PVT1: variants seen among roughly 807,000 people sequenced by gnomAD.
The protein encoded by PVT1 is Pvt1 oncogene.
At chr8:127,922,092 C>A (rs1418295251) in intron 3 of PVT1, among the ~76,000 whole-genome samples, 2 of 151,884 alleles carry the variant, frequency 1.3e-5, no homozygotes, top group African/African-American at 4.8e-5. Context: ...AACTCTTGAC[C>A]TCGTGATCTG....
chr8:127,951,800 A>G (rs184952843), intron 3 of PVT1, among the ~76,000 whole-genome samples: 69 of 150,678 alleles, frequency 4.6e-4, no homozygotes, highest in Non-Finnish European at 7.0e-4. Context: ...GCTCCTTACA[A>G]AAACAAAAAC....
intron 5 of PVT1, among the ~76,000 whole-genome samples, chr8:128,076,228 A>C (rs1439723275): frequency 6.6e-6 from 1 of 152,106 alleles, no homozygotes; most frequent in Non-Finnish European, 1.5e-5. Flanking sequence ...TGCACAATGG[A>C]CCCAGTGAGC....
Position 128,016,580 on chromosome 8 carries a change from C to T in PVT1, n.912+27289C>T, listed in dbSNP as rs190313036. On this transcript the variant is annotated intron_variant and non_coding_transcript_variant, in intron 4 of 10. Coordinates refer to ENST00000651587, the Ensembl canonical transcript of PVT1. The stretch of plus-strand genomic sequence containing the variant: ...ACAGCTGGATCATGATTTACATTAA[C>T]TCCTCCCTTGCTGGTATCTTATAGA... Among the ~76,000 whole-genome samples, 174 of 152,324 alleles carry T rather than the reference C, an allele frequency of 1.1e-3. 1 individual carries two copies. Among genetic ancestry groups the T allele is most frequent in the Non-Finnish European group, 1.7e-3 (115 of 68,034 alleles).
At chr8:127,867,671 C>T (rs1815299837) in intron 2 of PVT1, among the ~76,000 whole-genome samples, 1 of 151,944 alleles carries the variant, frequency 6.6e-6, no homozygotes, top group Non-Finnish European at 1.5e-5. Context: ...TGTGGCTGTG[C>T]AGTCTCATTT....
intron 4 of PVT1, among the ~76,000 whole-genome samples, chr8:128,058,885 A>G (rs2130117574): frequency 6.6e-6 from 1 of 152,236 alleles, no homozygotes; most frequent in Non-Finnish European, 1.5e-5. Flanking sequence ...TCTGTTTGGC[A>G]CTTGGTATTG....
rs117556096 is a variant in PVT1 at position 127,941,164 on chromosome 8, G to T, written n.783-47998G>T. 2.2e-4 allele frequency among the ~76,000 whole-genome samples: 33 copies of T among 152,314 alleles called. 1 individual carries two copies. In the East Asian group the frequency reaches 6.4e-3, roughly 29 times the overall value. Reference sequence around the variant, plus strand: ...CCATTTTCAAGTCCAGCAATGGTGGGTCCAGTTCCTTTTAGGATTTAAATC... The same window carrying T: ...CCATTTTCAAGTCCAGCAATGGTGGTTCCAGTTCCTTTTAGGATTTAAATC... On this transcript the variant is annotated intron_variant and non_coding_transcript_variant, in intron 3 of 10. Coordinates refer to ENST00000651587, the Ensembl canonical transcript of PVT1.
At chr8:127,884,245 C>A (rs992999427) in intron 2 of PVT1, among the ~76,000 whole-genome samples, 1 of 152,178 alleles carries the variant, frequency 6.6e-6, no homozygotes, top group African/African-American at 2.4e-5. Flanking sequence ...ATCACACACT[C>A]CCCTGTGTCT....
chr8:127,879,604 T>C (rs1815442901), intron 2 of PVT1, among the ~76,000 whole-genome samples: 1 of 152,204 alleles, frequency 6.6e-6, no homozygotes, highest in Non-Finnish European at 1.5e-5. Flanking sequence ...GCTCGTATCC[T>C]AGCTCTGTCT....
At chr8:128,060,116 T>G (rs1472595766) in intron 4 of PVT1, among the ~76,000 whole-genome samples, 1 of 151,956 alleles carries the variant, frequency 6.6e-6, no homozygotes, top group Non-Finnish European at 1.5e-5. Context: ...ATTAGCTGGG[T>G]GTGGCAGCGT....
chr8:127,812,317 C>G (rs191449923), intron 2 of PVT1, among the ~76,000 whole-genome samples: 49 of 144,816 alleles, frequency 3.4e-4, no homozygotes, highest in Admixed American at 1.5e-3. Flanking sequence ...CGTGGTAGCT[C>G]TTGCCTGTTG....
chr8:127,947,680 A>G, intron 3 of PVT1: 1 of 456,160 alleles, frequency 2.2e-6, no homozygotes. Flanking sequence ...CTCTCTGGAC[A>G]TGGCCAGCTG....
chr8:127,805,811 A>G (rs1364652422), intron 2 of PVT1, among the ~76,000 whole-genome samples: 1 of 152,212 alleles, frequency 6.6e-6, no homozygotes, highest in Admixed American at 6.5e-5. Context: ...CTAGAATAAT[A>G]TGAAGGGATG....
At chr8:128,084,497 A>C (rs1036875117) in intron 5 of PVT1, among the ~76,000 whole-genome samples, 15 of 152,046 alleles carry the variant, frequency 9.9e-5, no homozygotes, top group Non-Finnish European at 2.9e-5. Flanking sequence ...AGTACTGATG[A>C]CTTGCAGATG....
intron 3 of PVT1, among the ~76,000 whole-genome samples, chr8:127,912,889 G>A (rs1261237018): frequency 6.6e-6 from 1 of 152,168 alleles, no homozygotes; most frequent in Admixed American, 6.5e-5. Flanking sequence ...GTAGAAATGG[G>A]GTTTCACCAT....
At chr8:127,899,860 A>G (rs551371378) in intron 3 of PVT1, among the ~76,000 whole-genome samples, 18 of 152,228 alleles carry the variant, frequency 1.2e-4, no homozygotes, top group Admixed American at 3.3e-4. Context: ...AGAATCTGCT[A>G]TGGAGTTTCA....
intron 2 of PVT1, among the ~76,000 whole-genome samples, chr8:127,873,104 A>C (rs894255560): frequency 1.1e-4 from 17 of 152,102 alleles, no homozygotes; most frequent in African/African-American, 2.4e-5. Context: ...ATGGGGCAGA[A>C]GGCTTCCAGC....
At chr8:128,015,627 A>C (rs1316771844) in intron 4 of PVT1, among the ~76,000 whole-genome samples, 2 of 151,726 alleles carry the variant, frequency 1.3e-5, no homozygotes, top group Non-Finnish European at 2.9e-5. Flanking sequence ...ACCAAAATTA[A>C]CTGGCTGTGG....
intron 3 of PVT1, among the ~76,000 whole-genome samples, chr8:127,911,662 C>T (rs781100250): frequency 6.6e-6 from 1 of 152,228 alleles, no homozygotes; most frequent in Non-Finnish European, 1.5e-5. Flanking sequence ...CAGGGAAGGT[C>T]GGGAACTTGT....
intron 5 of PVT1, among the ~76,000 whole-genome samples, chr8:128,087,080 A>T (rs2720673): frequency 0.2 from 30,553 of 152,180 alleles, 3,834 homozygotes; most frequent in African/African-American, 0.34. Context: ...GATTGGCAAT[A>T]GTGGAGCATC....
Sources: gnomAD v4.1 joint callset for allele counts (sites outside exome capture counted in the v4.1 genomes callset) on GRCh38, gnomAD v4.1.1 for gene constraint, MANE v1.5 for transcripts, NCBI Gene and HGNC (gene_info 2026-07-23, HGNC 2026-07-21) for gene names.